Variants in RAB38 observed in about 807,000 individuals in gnomAD.
RAB38 encodes the protein ras-related protein Rab-38.
In RAB38, 15 loss-of-function variants were observed where a neutral mutation model predicts 18.4. The ratio of observed to expected loss-of-function variants is 0.82; its 90% CI spans 0.55 to 1.26. RAB38 has a LOEUF of 1.26. Among genes scored for constraint, RAB38 ranks in the 50% most tolerant of loss-of-function variants. RAB38 has a pLI of 0.00. For synonymous variants in RAB38, 101 were observed against 104.4 expected (o/e 0.97, Z 0.20); for missense variants, 294 against 267.4 (o/e 1.10, Z -0.69).
the RAB38 span, among the ~76,000 whole-genome samples, chr11:87,845,358 G>A: frequency 1.2e-4 from 19 of 152,224 alleles, no homozygotes; most frequent in Admixed American, 9.2e-4. Context: ...TCACACATGT[G>A]AGGTGAATTA....
the RAB38 span, among the ~76,000 whole-genome samples, chr11:88,083,251 C>A: frequency 0.016 from 2,451 of 151,894 alleles, 58 homozygotes; most frequent in African/African-American, 0.055. Flanking sequence ...ACTTACTTTT[C>A]TTAATATTTC....
chr11:88,012,037 G>A, the RAB38 span, among the ~76,000 whole-genome samples: 1 of 152,146 alleles, frequency 6.6e-6, no homozygotes, highest in Non-Finnish European at 1.5e-5. Flanking sequence ...ATTCACCTGA[G>A]AGATGGGACA....
At chr11:87,894,592 A>G in the RAB38 span, among the ~76,000 whole-genome samples, 1 of 151,582 alleles carries the variant, frequency 6.6e-6, no homozygotes, top group Non-Finnish European at 1.5e-5. Flanking sequence ...CACATTTGGC[A>G]TTTTATAGTC....
intron 1 of RAB38, chr11:88,174,234 G>T (rs1591182429): frequency 6.2e-6 from 2 of 323,048 alleles, no homozygotes; most frequent in Non-Finnish European, 8.9e-6. Context: ...GCTAAAATCT[G>T]TAATGAGGGG....
chr11:88,039,345 A>G, the RAB38 span, among the ~76,000 whole-genome samples: 1 of 151,984 alleles, frequency 6.6e-6, no homozygotes, highest in Non-Finnish European at 1.5e-5. Flanking sequence ...TTAAAAAAAA[A>G]CTTCAGCTAC....
At chr11:87,941,249 A>G in the RAB38 span, among the ~76,000 whole-genome samples, 1 of 124,652 alleles carries the variant, frequency 8.0e-6, no homozygotes, top group Non-Finnish European at 1.7e-5. Flanking sequence ...ATATATATGT[A>G]ACTTCTATTT....
chr11:88,175,074 C>T, intron 1 of RAB38, 109 bp downstream of exon 1: 1 of 1,297,390 alleles, frequency 7.7e-7, no homozygotes, highest in Non-Finnish European at 1.0e-6. Context: ...GAAAAACTGC[C>T]TCGCGACCTA....
At chr11:87,889,771 T>G in the RAB38 span, among the ~76,000 whole-genome samples, 1 of 150,138 alleles carries the variant, frequency 6.7e-6, no homozygotes, top group Non-Finnish European at 1.5e-5. Context: ...TCCTTATACA[T>G]GACACTTACT....
chr11:88,047,258 A>G, the RAB38 span, among the ~76,000 whole-genome samples: 1 of 151,980 alleles, frequency 6.6e-6, no homozygotes, highest in Non-Finnish European at 1.5e-5. Context: ...GGCCTCCCAC[A>G]TTATTCCTGA....
chr11:87,813,563 T>G, the RAB38 span, among the ~76,000 whole-genome samples: 1 of 151,732 alleles, frequency 6.6e-6, no homozygotes. Context: ...ATGCTGTTGC[T>G]TATAGTATTC....
the RAB38 span, among the ~76,000 whole-genome samples, chr11:88,034,137 T>C: frequency 6.6e-6 from 1 of 152,236 alleles, no homozygotes; most frequent in East Asian, 1.9e-4. Context: ...GTTACATAAA[T>C]GGAGTTATAC....
chr11:87,964,590 G>A, the RAB38 span, among the ~76,000 whole-genome samples: 1 of 152,048 alleles, frequency 6.6e-6, no homozygotes, highest in African/African-American at 2.4e-5. Flanking sequence ...GATGGGAGAA[G>A]AGAATTGAGC....
chr11:88,151,270 C>A (rs1318900600), intron 1 of RAB38, among the ~76,000 whole-genome samples: 1 of 152,176 alleles, frequency 6.6e-6, no homozygotes, highest in Non-Finnish European at 1.5e-5. Context: ...TTGAGTTTTC[C>A]TTCTCTTTTG....
the RAB38 span, among the ~76,000 whole-genome samples, chr11:87,875,320 TAAAA>T: frequency 6.6e-6 from 1 of 151,294 alleles, no homozygotes; most frequent in Non-Finnish European, 1.5e-5. Context: ...CAATTAAAAA[TAAAA>T]TTAATTATAA....
chr11:87,847,398 TGAA>T, the RAB38 span, among the ~76,000 whole-genome samples: 1 of 152,068 alleles, frequency 6.6e-6, no homozygotes, highest in African/African-American at 2.4e-5. Flanking sequence ...ATCCTTTACA[TGAA>T]ACAGATTTCT....
chr11:87,954,375 T>TC, the RAB38 span, among the ~76,000 whole-genome samples: 1 of 152,136 alleles, frequency 6.6e-6, no homozygotes, highest in Admixed American at 6.5e-5. Context: ...TTGGAAATGT[T>TC]CCAGATAAAG....
intron 1 of RAB38, among the ~76,000 whole-genome samples, chr11:88,150,723 T>A (rs1373361764): frequency 6.6e-6 from 1 of 152,158 alleles, no homozygotes; most frequent in African/African-American, 2.4e-5. Flanking sequence ...GATAGTAAGC[T>A]TAAGAAATCA....
chr11:87,934,573 T>C, the RAB38 span, among the ~76,000 whole-genome samples: 1 of 152,090 alleles, frequency 6.6e-6, no homozygotes, highest in Non-Finnish European at 1.5e-5. Context: ...GGCAGTACTC[T>C]CGTGCAATGC....
the RAB38 span, among the ~76,000 whole-genome samples, chr11:87,810,025 CA>C: frequency 1.3e-5 from 2 of 152,058 alleles, no homozygotes; most frequent in Non-Finnish European, 2.9e-5. Context: ...AGTTCTCAAA[CA>C]TGTAAAATAA....
Sources: gnomAD v4.1 joint callset for allele counts (sites outside exome capture counted in the v4.1 genomes callset) on GRCh38, gnomAD v4.1.1 for gene constraint, MANE v1.5 for transcripts, NCBI Gene and HGNC (gene_info 2026-07-23, HGNC 2026-07-21) for gene names.